PITPNM2: variants seen among roughly 807,000 people sequenced by gnomAD.
The protein encoded by PITPNM2 is membrane-associated phosphatidylinositol transfer protein 2.
A neutral mutation model predicts 132.2 loss-of-function variants in PITPNM2; 35 were observed. The observed-to-expected ratio is 0.26, with a 90% CI of 0.20 to 0.35. The LOEUF (loss-of-function observed/expected upper bound fraction) is 0.35. PITPNM2 is among the 10% of genes least tolerant of loss of function. PITPNM2 has a pLI of 1.00. For synonymous variants in PITPNM2, 738 were observed against 799.2 expected (o/e 0.92, Z 1.29); for missense variants, 1,332 against 1,912.0 (o/e 0.70, Z 5.66).
chr12:123,002,885 T>C (rs777031931), intron 8 of PITPNM2, among the ~76,000 whole-genome samples: 3 of 152,210 alleles, frequency 2.0e-5, no homozygotes, highest in Non-Finnish European at 4.4e-5. Context: ...TGAAACTATA[T>C]ATTACTGTGG....
chr12:123,001,114 T>C lies in PITPNM2; in HGVS notation c.1093A>G (p.Lys365Glu), dbSNP rs770612733. The C allele has an allele frequency of 1.2e-6, 2 of 1,614,124 alleles. No homozygotes were observed. The highest frequency in any genetic ancestry group is 1.7e-6 in the Non-Finnish European group (2 of 1,180,000). ...TEEMFPKDITKWSSNDLMDKI... is the reference protein window; with the variant it reads ...TEEMFPKDITEWSSNDLMDKI... ...TCCATGAGGTCATTGGAGCTCCACTTGGTGATGTCCTTGGGGAACATTTCC... is the reference window on the plus strand; with the variant it reads ...TCCATGAGGTCATTGGAGCTCCACTCGGTGATGTCCTTGGGGAACATTTCC... The change falls in exon 9 of 26, where the codon AAG becomes GAG. Residue 365 changes from lysine to glutamate, a missense_variant. Physicochemically the swap from Lys to Glu is moderately conservative, Grantham distance 56. Transcript: ENST00000320201.
intron 2 of PITPNM2, among the ~76,000 whole-genome samples, chr12:123,050,520 C>T (rs985791574): frequency 5.9e-5 from 9 of 152,144 alleles, no homozygotes; most frequent in African/African-American, 9.7e-5. Context: ...GAAACCCAGG[C>T]GTCTTAGGTC....
At chr12:123,057,485 A>T (rs1016613034) in intron 2 of PITPNM2, among the ~76,000 whole-genome samples, 1 of 152,172 alleles carries the variant, frequency 6.6e-6, no homozygotes, top group Non-Finnish European at 1.5e-5. Flanking sequence ...GAGGGTGCAA[A>T]TGGTACCATT....
At chr12:123,057,734 C>G (rs926556940) in intron 2 of PITPNM2, among the ~76,000 whole-genome samples, 4 of 152,144 alleles carry the variant, frequency 2.6e-5, no homozygotes, top group Non-Finnish European at 5.9e-5. Flanking sequence ...GCCTCCTGGG[C>G]TCCCCACCGC....
chr12:123,130,815 A>T (rs1335390229), intron 1 of PITPNM2, among the ~76,000 whole-genome samples: 1 of 152,124 alleles, frequency 6.6e-6, no homozygotes, highest in Non-Finnish European at 1.5e-5. Context: ...GGCAGAAAGG[A>T]AGGTGAGAAC....
intron 1 of PITPNM2, among the ~76,000 whole-genome samples, chr12:123,126,269 A>G (rs907264670): frequency 6.6e-6 from 1 of 152,164 alleles, no homozygotes; most frequent in Non-Finnish European, 1.5e-5. Flanking sequence ...TATAACTGCT[A>G]AGGGTTCTGC....
At chr12:123,043,773 G>C (rs574221245) in intron 2 of PITPNM2, among the ~76,000 whole-genome samples, 58 of 152,370 alleles carry the variant, frequency 3.8e-4, no homozygotes, top group Non-Finnish European at 2.6e-4. Context: ...CAGGCTCCGA[G>C]AGGGCGCATC....
Position 123,005,548 on chromosome 12 carries a change from C to G in PITPNM2, c.644G>C (p.Gly215Ala). The stretch of plus-strand genomic sequence containing the variant: ...AGCCCGCACCATCACCCTCCGTAGT[C>G]CTGTGCCCCATGGGGATCAGAGAGG... ...SKIERFIHDT[G>A]LRRVMVRAHR... is the part of the protein sequence containing the mutation. The change falls in exon 7 of 26, where the codon GGA becomes GCA. Residue 215 changes from glycine to alanine, a missense_variant and splice_region_variant. Coordinates refer to ENST00000320201, the MANE Select transcript of PITPNM2 (RefSeq NM_020845.3). The surrounding 1 kb of genome is among the most constrained non-coding windows in gnomAD (Gnocchi z 6.2). The G allele has an allele frequency of 3.7e-6, 6 of 1,612,000 alleles. No homozygotes were observed. Among genetic ancestry groups the G allele is most frequent in the Non-Finnish European group, 5.1e-6 (6 of 1,179,118 alleles).
rs1051541295 is a variant in PITPNM2, at chr12:123,111,805, G to T, written c.-199-1317C>A. Among the ~76,000 whole-genome samples the T allele has an allele frequency of 6.6e-6, 1 of 152,214 alleles. No homozygotes were observed. The highest frequency in any genetic ancestry group is 1.5e-5 in the Non-Finnish European group (1 of 68,038). On this transcript the variant is annotated intron_variant, in intron 1 of 25. Coordinates refer to ENST00000320201, the MANE Select transcript of PITPNM2 (RefSeq NM_020845.3). The surrounding 1 kb of genome is among the most constrained non-coding windows in gnomAD (Gnocchi z 4.1). ...GGCACCCACAGCAGAGTGGATGCAG[G>T]TCCCAGCCCTCCCAGTGACCATGAG...
In PITPNM2 at chr12:123,111,156, T is replaced by C. The variant is rs1055102056; in HGVS notation, c.-199-668A>G. ...TCTTCACAGGTACCACTGAAGCCACTACCCAACCCAGGGCTCCTACAGGGA... is the reference window on the plus strand; with the variant it reads ...TCTTCACAGGTACCACTGAAGCCACCACCCAACCCAGGGCTCCTACAGGGA... On this transcript the variant is annotated intron_variant, in intron 1 of 25. Transcript: ENST00000320201. The surrounding 1 kb of genome is among the most constrained non-coding windows in gnomAD (Gnocchi z 4.1). Among the ~76,000 whole-genome samples the C allele has an allele frequency of 1.3e-5, 2 of 152,186 alleles. No homozygotes were observed. Among genetic ancestry groups the C allele is most frequent in the African/African-American group, 2.4e-5 (1 of 41,442 alleles).
chr12:123,010,938 T>G (rs1172532867), intron 5 of PITPNM2, among the ~76,000 whole-genome samples: 1 of 151,962 alleles, frequency 6.6e-6, no homozygotes. Context: ...GAGGTAGGAG[T>G]GCAGAAAACA....
intron 2 of PITPNM2, among the ~76,000 whole-genome samples, chr12:123,093,444 G>C (rs1019282644): frequency 1.3e-5 from 2 of 151,790 alleles, no homozygotes; most frequent in Admixed American, 1.3e-4. Flanking sequence ...TATCTCAATA[G>C]AGCTGTTATT....
chr12:123,109,438 A>C (rs370845930), intron 2 of PITPNM2, among the ~76,000 whole-genome samples: 78 of 152,258 alleles, frequency 5.1e-4, no homozygotes, highest in African/African-American at 1.8e-3. Context: ...TGGGCCATTC[A>C]ATCTCTAGAC....
chr12:123,002,273 T>A (rs912418525), intron 8 of PITPNM2, among the ~76,000 whole-genome samples: 22 of 152,130 alleles, frequency 1.4e-4, no homozygotes, highest in Non-Finnish European at 2.4e-4. Flanking sequence ...GAGGCAGAGA[T>A]TGCAGTGAGC....
chr12:123,026,367 G>C (rs896759864), intron 3 of PITPNM2, among the ~76,000 whole-genome samples: 1 of 152,254 alleles, frequency 6.6e-6, no homozygotes, highest in Non-Finnish European at 1.5e-5. Context: ...GGGTCTACCC[G>C]TAGAACCTTT....
chr12:123,128,264 C>CAAAAAAAAAA lies in PITPNM2; in HGVS notation c.-199-17786_-199-17777dup, dbSNP rs1170397011. Among the ~76,000 whole-genome samples, 3 of 22,752 alleles carry CAAAAAAAAAA rather than the reference C, an allele frequency of 1.3e-4. 1 individual carries two copies. The highest frequency in any genetic ancestry group is 1.1e-3 in the Admixed American group (2 of 1,852). 14.9% of individuals were successfully genotyped at this position (22,752 alleles called of 152,430 possible). A position where few individuals can be genotyped will look rare whatever the true frequency, so the allele number is the denominator to read the frequency against. ...TAAACATGGCGAAACCCCATCTCTA[C>CAAAAAAAAAA]AAAAAAAAAAAAAAAAAAAAAAAAA... On this transcript the variant is annotated intron_variant, in intron 1 of 25. Transcript: ENST00000320201.
In PITPNM2 at chr12:123,005,478, G is replaced by A. The variant is rs1463639469; in HGVS notation, c.714C>T (p.Ser238=). Residue 238 remains serine, a synonymous_variant, in exon 7 of 26, where the codon AGC becomes AGT. Coordinates refer to ENST00000320201, the MANE Select transcript of PITPNM2 (RefSeq NM_020845.3). This position sits in a 1 kb window ranked among gnomAD's most constrained non-coding sequence, Gnocchi z 6.2. ...TCTCCAGCTCCCGGATGTTCTCCAT[G>A]CTCAGCCCATACCACTCGTCCTGCC... ...WCWQDEWYGL[S]MENIRELEKE... 5.6e-6 allele frequency: 9 copies of A among 1,613,876 alleles called. No individual in the cohort carries two copies. The highest frequency in any genetic ancestry group is 6.8e-6 in the Non-Finnish European group (8 of 1,180,018).
In PITPNM2 at chr12:123,004,718, G is replaced by A. The variant is rs774478267; in HGVS notation, c.953-229C>T. The A allele has an allele frequency of 1.4e-4, 84 of 604,940 alleles. No homozygotes were observed. The highest frequency in any genetic ancestry group is 2.3e-4 in the Non-Finnish European group (79 of 337,214). 37.5% of individuals were successfully genotyped at this position (604,940 alleles called of 1,614,324 possible). A position where few individuals can be genotyped will look rare whatever the true frequency, so the allele number is the denominator to read the frequency against. Reference sequence around the variant, plus strand: ...AAGGCAGTCATGTCCCGGGGAGCATGGGTGGGGAAGAGCATGACAGACATA... The same window carrying A: ...AAGGCAGTCATGTCCCGGGGAGCATAGGTGGGGAAGAGCATGACAGACATA... On this transcript the variant is annotated intron_variant, in intron 7 of 25. Transcript: ENST00000320201. The surrounding 1 kb of genome is among the most constrained non-coding windows in gnomAD (Gnocchi z 4.9).
At chr12:123,144,933 G>A (rs1203719676) in intron 1 of PITPNM2, among the ~76,000 whole-genome samples, 1 of 152,196 alleles carries the variant, frequency 6.6e-6, no homozygotes, top group Admixed American at 6.5e-5. Context: ...TGTCCCCGCA[G>A]GCTCAAAGGA....
Sources: gnomAD v4.1 joint callset for allele counts (sites outside exome capture counted in the v4.1 genomes callset) on GRCh38, gnomAD v4.1.1 for gene constraint, Gnocchi (gnomAD v3.1) non-coding constraint, MANE v1.5 for transcripts, NCBI Gene and HGNC (gene_info 2026-07-23, HGNC 2026-07-21) for gene names.